Variants in USH2A observed in about 807,000 individuals in gnomAD.
USH2A encodes Usher syndrome 2A (autosomal recessive, mild).
Under a neutral mutation model 538.9 loss-of-function variants are expected in USH2A, and 443 were observed. That is an observed-to-expected ratio of 0.82 (90% confidence interval 0.76 to 0.89). The LOEUF is 0.89. Among genes scored for constraint, USH2A ranks in the 40% least tolerant of loss-of-function variants. The pLI is 0.00. For missense variants in USH2A, 6,633 were observed against 6,324.8 expected (o/e 1.05, Z -1.65); for synonymous variants, 2,413 against 2,273.5 (o/e 1.06, Z -1.75).
At chr1:215,683,709 T>C (rs1287499250) in intron 61 of USH2A, among the ~76,000 whole-genome samples, 1 of 152,170 alleles carries the variant, frequency 6.6e-6, no homozygotes, top group Non-Finnish European at 1.5e-5. Context: ...CTTCCGTTTC[T>C]TCCTTTCTCT....
At chr1:215,982,389 A>C (rs1210440601) in intron 35 of USH2A, among the ~76,000 whole-genome samples, 5 of 152,180 alleles carry the variant, frequency 3.3e-5, no homozygotes, top group Admixed American at 2.0e-4. Flanking sequence ...ACCTTAGACT[A>C]TCTCCTCCAA....
intron 21 of USH2A, among the ~76,000 whole-genome samples, chr1:216,118,003 GTT>G (rs1271853936): frequency 6.6e-6 from 1 of 151,986 alleles, no homozygotes; most frequent in African/African-American, 2.4e-5. Flanking sequence ...GGAATTTGAT[GTT>G]TGGCTTAATG....
intron 3 of USH2A, among the ~76,000 whole-genome samples, chr1:216,408,027 A>G (rs1320437887): frequency 6.6e-6 from 1 of 152,086 alleles, no homozygotes; most frequent in Non-Finnish European, 1.5e-5. Context: ...ATATTTGTAT[A>G]TATTTCCTTT....
chr1:215,743,410 G>GTGTATATATA lies in USH2A; in HGVS notation c.11390-76_11390-75insTATATATACA, dbSNP rs1553257748. The GTGTATATATA allele has an allele frequency of 6.6e-6, 3 of 457,904 alleles. No individual in the cohort carries two copies. The African/African-American group carries it at 7.9e-5, about 12-fold the overall frequency. The allele number at this position is 457,904 out of a possible 1,614,324, so 28.4% of individuals were successfully genotyped here. A position where few individuals can be genotyped will look rare whatever the true frequency, so the allele number is the denominator to read the frequency against. The stretch of plus-strand genomic sequence containing the variant: ...TATGTGTGTGTGTGTGTGTGTGTGT[G>GTGTATATATA]TGTGTGTATATATATATAGACACAC... On this transcript the variant is annotated intron_variant, in intron 58 of 71. Transcript: ENST00000307340.
chr1:215,635,648 T>C (rs1405503115), intron 69 of USH2A, among the ~76,000 whole-genome samples: 3 of 151,726 alleles, frequency 2.0e-5, no homozygotes, highest in Admixed American at 2.0e-4. Context: ...CTCTGCCTCT[T>C]GGGTTCAAGT....
chr1:215,772,281 T>C lies in USH2A; in HGVS notation c.10940-5493A>G, dbSNP rs193086624. 1.4e-4 allele frequency among the ~76,000 whole-genome samples: 21 copies of C among 152,298 alleles called. 1 individual carries two copies. Among genetic ancestry groups the C allele is most frequent in the Admixed American group, 1.0e-3 (16 of 15,304 alleles). ...AACCATTCCAACTGTAACTTAATCC[T>C]GAAGTCGAAGAGTAGAAGGAGAAAA... On this transcript the variant is annotated intron_variant, in intron 55 of 71. Coordinates refer to ENST00000307340, the MANE Select transcript of USH2A (RefSeq NM_206933.4).
chr1:215,986,198 C>T (rs1571867434), intron 35 of USH2A, among the ~76,000 whole-genome samples: 1 of 152,056 alleles, frequency 6.6e-6, no homozygotes, highest in African/African-American at 2.4e-5. Context: ...TGGTTCACTG[C>T]AAACCCTGCC....
At chr1:216,416,166 C>CAA (rs1045950421) in intron 3 of USH2A, among the ~76,000 whole-genome samples, 2 of 150,138 alleles carry the variant, frequency 1.3e-5, no homozygotes, top group Admixed American at 6.6e-5. Flanking sequence ...AACTCTGTCT[C>CAA]AAAAAAAAAT....
chr1:215,648,461 T>A, intron 66 of USH2A, 67 bp downstream of exon 66: 3 of 1,516,954 alleles, frequency 2.0e-6, no homozygotes, highest in Non-Finnish European at 1.8e-6. Context: ...GAGTAGGCTA[T>A]ACCATGAGTT....
intron 61 of USH2A, among the ~76,000 whole-genome samples, chr1:215,695,008 A>G (rs1025441790): frequency 3.9e-5 from 6 of 152,242 alleles, no homozygotes; most frequent in African/African-American, 1.2e-4. Context: ...GCAATGTAAG[A>G]TAAGGAAATA....
chr1:215,755,040 A>G (rs1660748548), intron 58 of USH2A, among the ~76,000 whole-genome samples: 1 of 152,158 alleles, frequency 6.6e-6, no homozygotes. Flanking sequence ...CCAGTCAAAC[A>G]TTGTTCTCCC....
chr1:215,811,926 AAAAAACAAACAAAAAAC>A (rs922131223), intron 49 of USH2A, among the ~76,000 whole-genome samples: 7 of 151,456 alleles, frequency 4.6e-5, no homozygotes, highest in African/African-American at 1.7e-4. Context: ...CAAACAAATA[AAAAAACAAACAAAAAAC>A]AAAAACAAAC....
intron 11 of USH2A, among the ~76,000 whole-genome samples, chr1:216,260,250 T>C (rs1327002243): frequency 1.3e-5 from 2 of 152,136 alleles, no homozygotes; most frequent in East Asian, 3.8e-4. Flanking sequence ...GAAATAAATA[T>C]TGACAACATT....
intron 63 of USH2A, 95 bp from the exon 64 acceptor site, chr1:215,671,388 G>A: frequency 8.0e-7 from 1 of 1,253,178 alleles, no homozygotes; most frequent in Non-Finnish European, 1.1e-6. Context: ...AAAAAGACAA[G>A]CTTACATGTA....
intron 11 of USH2A, among the ~76,000 whole-genome samples, chr1:216,270,707 C>T (rs968960117): frequency 1.4e-5 from 1 of 72,448 alleles, no homozygotes; most frequent in African/African-American, 3.8e-5. Flanking sequence ...TTCATTCATT[C>T]CAATTTTTTT....
At chr1:216,040,401 T>A (rs1228329698) in intron 32 of USH2A, among the ~76,000 whole-genome samples, 2 of 152,042 alleles carry the variant, frequency 1.3e-5, no homozygotes, top group African/African-American at 4.8e-5. Flanking sequence ...AGGTAGTATT[T>A]TCTAACTAGG....
chr1:216,352,586 G>A (rs911421472), intron 4 of USH2A, among the ~76,000 whole-genome samples: 2 of 152,068 alleles, frequency 1.3e-5, no homozygotes, highest in Non-Finnish European at 2.9e-5. Context: ...TAAAAGGAGA[G>A]CAAATAAATA....
Position 215,936,480 on chromosome 1 carries a change from G to T in USH2A, c.7121-1685C>A, listed in dbSNP as rs542899326. On this transcript the variant is annotated intron_variant, in intron 37 of 71. Coordinates refer to ENST00000307340, the MANE Select transcript of USH2A (RefSeq NM_206933.4). ...ATTTACTTAATATTTCTGAATGTCT[G>T]GTTCTTCATCTGTGAACTGGGAATG... Among the ~76,000 whole-genome samples, 9 of 152,098 alleles carry T rather than the reference G, an allele frequency of 5.9e-5. No individual in the cohort carries two copies. In the South Asian group the frequency reaches 1.9e-3, roughly 32 times the overall value.
intron 13 of USH2A, among the ~76,000 whole-genome samples, chr1:216,232,357 A>T (rs999567089): frequency 2.6e-5 from 4 of 152,116 alleles, no homozygotes; most frequent in Non-Finnish European, 5.9e-5. Context: ...CTACAATTCA[A>T]TGTATTTAAA....
Sources: allele counts gnomAD v4.1 joint callset (sites outside exome capture counted in the v4.1 genomes callset), GRCh38; gene constraint gnomAD v4.1.1; transcripts MANE v1.5; gene names NCBI Gene and HGNC (gene_info 2026-07-23, HGNC 2026-07-21).